NHLRC2: variants seen among roughly 807,000 people sequenced by gnomAD.
NHLRC2 encodes NHL repeat containing 2.
Under a neutral mutation model 68.1 loss-of-function variants are expected in NHLRC2, and 33 were observed. That is an observed-to-expected ratio of 0.48 (90% CI 0.37 to 0.65). NHLRC2 has a LOEUF of 0.65. Ranked by LOEUF, NHLRC2 falls within the 30% of genes least tolerant of loss-of-function variation. NHLRC2 has a pLI of 0.00. For missense variants in NHLRC2, 761 were observed against 853.8 expected (o/e 0.89, Z 1.35); for synonymous variants, 311 against 309.6 (o/e 1.00, Z -0.05).
chr10:113,865,431 A>G (rs1845857450), intron 2 of NHLRC2, among the ~76,000 whole-genome samples: 1 of 152,008 alleles, frequency 6.6e-6, no homozygotes, highest in African/African-American at 2.4e-5. Flanking sequence ...TTGTTTGTGG[A>G]ATATATTTCT....
intron 1 of NHLRC2, 52 bp downstream of exon 1, chr10:113,855,102 G>A (rs1032649431): frequency 2.0e-6 from 3 of 1,471,722 alleles, no homozygotes; most frequent in Middle Eastern, 2.1e-4. Context: ...CCCCTTCCTC[G>A]GGGACGGCGC....
chr10:113,856,505 T>C (rs1443893664), intron 1 of NHLRC2, among the ~76,000 whole-genome samples: 2 of 152,236 alleles, frequency 1.3e-5, no homozygotes, highest in Admixed American at 6.5e-5. Context: ...AAAGATTGTT[T>C]ACATCTATAC....
intron 5 of NHLRC2, among the ~76,000 whole-genome samples, chr10:113,896,212 C>T (rs1170303241): frequency 6.6e-6 from 1 of 152,068 alleles, no homozygotes; most frequent in Non-Finnish European, 1.5e-5. Flanking sequence ...AAGACACATG[C>T]ACGTGTATGT....
At chr10:113,870,415 G>A (rs1230452753) in intron 2 of NHLRC2, among the ~76,000 whole-genome samples, 2 of 151,534 alleles carry the variant, frequency 1.3e-5, no homozygotes, top group Non-Finnish European at 2.9e-5. Context: ...TTATACACTC[G>A]CTTTTTTCAT....
intron 5 of NHLRC2, among the ~76,000 whole-genome samples, chr10:113,889,980 A>T (rs1394129558): frequency 6.6e-6 from 1 of 152,238 alleles, no homozygotes; most frequent in East Asian, 1.9e-4. Flanking sequence ...GTGGCTATAG[A>T]AAACCTCCAT....
chr10:113,893,819 C>G (rs971427249), intron 5 of NHLRC2, among the ~76,000 whole-genome samples: 1 of 152,186 alleles, frequency 6.6e-6, no homozygotes, highest in African/African-American at 2.4e-5. Flanking sequence ...CAACATAGCT[C>G]TCCTTTGCCA....
intron 5 of NHLRC2, among the ~76,000 whole-genome samples, chr10:113,894,699 T>G (rs930106161): frequency 6.6e-6 from 1 of 152,160 alleles, no homozygotes; most frequent in Admixed American, 6.5e-5. Context: ...ATGTTTGCTG[T>G]GACTTTCTTA....
chr10:113,855,634 G>GTTGTTTTGTTTTGTT (rs370457817), intron 1 of NHLRC2, among the ~76,000 whole-genome samples: 35 of 151,216 alleles, frequency 2.3e-4, no homozygotes, highest in African/African-American at 7.1e-4. Context: ...CGCCTGGCTA[G>GTTGTTTTGTTTTGTT]TTGTTTTGTT....
chr10:113,900,123 T>G (rs763097474), intron 6 of NHLRC2, among the ~76,000 whole-genome samples: 11 of 152,144 alleles, frequency 7.2e-5, no homozygotes, highest in Non-Finnish European at 1.5e-4. Flanking sequence ...CTGTGCCTTG[T>G]GAGTACTTTT....
chr10:113,881,804 T>C (rs1846038165), intron 4 of NHLRC2, among the ~76,000 whole-genome samples: 1 of 151,790 alleles, frequency 6.6e-6, no homozygotes, highest in Non-Finnish European at 1.5e-5. Context: ...ATACGTTGTT[T>C]TTAAAACATT....
At chr10:113,877,176 A>G (rs1845991709) in intron 3 of NHLRC2, among the ~76,000 whole-genome samples, 200 bp downstream of exon 3, 1 of 152,084 alleles carries the variant, frequency 6.6e-6, no homozygotes, top group African/African-American at 2.4e-5. Context: ...TAAAACAAAC[A>G]AAAACACTGA....
At position 113,854,675 on chromosome 10, in the gene NHLRC2, C is replaced by A. The variant is rs1359089486; in HGVS notation, c.-198C>A. The A allele has an allele frequency of 1.8e-6, 1 of 555,232 alleles. No homozygotes were observed. The highest frequency in any genetic ancestry group is 3.0e-5 in the East Asian group (1 of 32,992). 34.4% of individuals were successfully genotyped at this position (555,232 alleles called of 1,614,324 possible). A position where few individuals can be genotyped will look rare whatever the true frequency, so the allele number is the denominator to read the frequency against. ...GGTCGGACGGCAGTTTAATTACGTCCCCGGGAACTGCGCCGATTTGGACTT... is the reference window on the plus strand; with the variant it reads ...GGTCGGACGGCAGTTTAATTACGTCACCGGGAACTGCGCCGATTTGGACTT... On this transcript the variant is annotated 5_prime_UTR_variant, in exon 1 of 11. Coordinates refer to ENST00000369301, the MANE Select transcript of NHLRC2 (RefSeq NM_198514.4).
chr10:113,901,166 A>G (rs1186197438), intron 6 of NHLRC2, among the ~76,000 whole-genome samples: 1 of 152,204 alleles, frequency 6.6e-6, no homozygotes, highest in Non-Finnish European at 1.5e-5. Context: ...GACCTGGCCA[A>G]CTTTCAAAAA....
chr10:113,877,089 T>C (rs1309791121), intron 3 of NHLRC2, 113 bp downstream of exon 3: 3 of 606,114 alleles, frequency 4.9e-6, no homozygotes, highest in Non-Finnish European at 8.0e-6. Flanking sequence ...AAAAGTGATA[T>C]ACATTGACTT....
chr10:113,877,086 A>T, intron 3 of NHLRC2, 110 bp downstream of exon 3: 1 of 633,234 alleles, frequency 1.6e-6, no homozygotes, highest in Non-Finnish European at 2.5e-6. Flanking sequence ...TAGAAAAGTG[A>T]TATACATTGA....
At chr10:113,894,423 TA>T (rs560696849) in intron 5 of NHLRC2, among the ~76,000 whole-genome samples, 63 of 152,316 alleles carry the variant, frequency 4.1e-4, no homozygotes, top group Non-Finnish European at 7.5e-4. Context: ...TGTAAACCGA[TA>T]AAAGAATTTA....
intron 2 of NHLRC2, among the ~76,000 whole-genome samples, chr10:113,876,313 T>G (rs1845979337): frequency 6.6e-6 from 1 of 152,138 alleles, no homozygotes; most frequent in Non-Finnish European, 1.5e-5. Context: ...TGTGTGTTTT[T>G]ATGTAGTAAT....
rs201956750 is a variant in NHLRC2, at chr10:113,858,671, T to C, written c.322T>C (p.Ser108Pro). The change falls in exon 2 of 11, where the codon TCT (serine) becomes CCT (proline). Residue 108 changes from serine to proline, a missense_variant. Physicochemically the swap from Ser to Pro is moderately conservative, Grantham distance 74. Transcript: ENST00000369301. ...TCTCCATGCATTAGAACACACATACTCTGATAAAGGTATCTGCTCTTTAAT... is the reference window on the plus strand; with the variant it reads ...TCTCCATGCATTAGAACACACATACCCTGATAAAGGTATCTGCTCTTTAAT... ...PDLHALEHTYSDKDGLLIIGV... is the reference protein window; with the variant it reads ...PDLHALEHTYPDKDGLLIIGV... The C allele has an allele frequency of 1.2e-4, 199 of 1,610,100 alleles. 2 individuals are homozygous for C. In the East Asian group the frequency reaches 4.2e-3, roughly 34 times the overall value.
At chr10:113,907,064 C>T (rs941429810) in intron 10 of NHLRC2, among the ~76,000 whole-genome samples, 3 of 152,150 alleles carry the variant, frequency 2.0e-5, no homozygotes, top group Non-Finnish European at 2.9e-5. Flanking sequence ...AAGATACTCT[C>T]TAACCCAGGA....
Sources: allele counts gnomAD v4.1 joint callset (sites outside exome capture counted in the v4.1 genomes callset), GRCh38; gene constraint gnomAD v4.1.1; transcripts MANE v1.5; gene names NCBI Gene and HGNC (gene_info 2026-07-23, HGNC 2026-07-21).